SLIT3: variants seen among roughly 807,000 people sequenced by gnomAD.
SLIT3 encodes slit guidance ligand 3.
A neutral mutation model predicts 184.0 loss-of-function variants in SLIT3; 68 were observed. The ratio of observed to expected loss-of-function variants is 0.37; its 90% CI spans 0.30 to 0.45. The LOEUF is 0.45. Ranked by LOEUF, SLIT3 falls within the 20% of genes least tolerant of loss-of-function variation. SLIT3 has a pLI of 1.00. For missense variants in SLIT3, 1,707 were observed against 2,026.0 expected, an observed-to-expected ratio of 0.84 and a Z score of 3.02; for synonymous variants, 831 against 828.6, an observed-to-expected ratio of 1.00 and a Z score of -0.05.
At chr5:168,959,915 A>G (rs1229634801) in intron 4 of SLIT3, among the ~76,000 whole-genome samples, 1 of 152,108 alleles carries the variant, frequency 6.6e-6, no homozygotes, top group Non-Finnish European at 1.5e-5. Context: ...GTGAGGTAGG[A>G]ACTACTATCA....
chr5:168,686,914 A>C (rs1761759950), intron 30 of SLIT3, 65 bp downstream of exon 30: 1 of 1,585,162 alleles, frequency 6.3e-7, no homozygotes, highest in African/African-American at 1.3e-5. Flanking sequence ...CACCTTAGCC[A>C]GTCAGCCCCA....
intron 5 of SLIT3, among the ~76,000 whole-genome samples, chr5:168,881,484 TC>T (rs1247319285): frequency 6.6e-6 from 1 of 152,216 alleles, no homozygotes; most frequent in Non-Finnish European, 1.5e-5. Flanking sequence ...AAAATTAGTG[TC>T]ATGAGATCTG....
At chr5:168,985,593 T>A (rs1323784882) in intron 4 of SLIT3, among the ~76,000 whole-genome samples, 1 of 152,222 alleles carries the variant, frequency 6.6e-6, no homozygotes, top group African/African-American at 2.4e-5. Context: ...TCAGTTCCTA[T>A]GCATGGTGGG....
intron 4 of SLIT3, among the ~76,000 whole-genome samples, chr5:169,070,797 CA>C (rs34764320): frequency 0.54 from 62,063 of 115,844 alleles, 13,821 homozygotes; most frequent in South Asian, 0.65. Flanking sequence ...ACATTTTCCT[CA>C]AAAAAAAAAA....
intron 5 of SLIT3, among the ~76,000 whole-genome samples, chr5:168,849,934 C>T (rs755987470): frequency 1.1e-4 from 16 of 152,004 alleles, no homozygotes; most frequent in Non-Finnish European, 2.2e-4. Context: ...TCCAATTGTC[C>T]TTTAAGCAGA....
intron 3 of SLIT3, among the ~76,000 whole-genome samples, chr5:169,223,365 T>C (rs1430716020): frequency 1.3e-5 from 2 of 152,248 alleles, no homozygotes; most frequent in African/African-American, 4.8e-5. Context: ...TTCCTTTTGC[T>C]GGCTGGTTCT....
At chr5:168,717,353 G>A (rs1348837440) in intron 23 of SLIT3, among the ~76,000 whole-genome samples, 1 of 149,888 alleles carries the variant, frequency 6.7e-6, no homozygotes, top group African/African-American at 2.5e-5. Flanking sequence ...GTCACGGTTT[G>A]ATGAATGTCA....
intron 4 of SLIT3, among the ~76,000 whole-genome samples, chr5:169,125,230 T>A (rs1483080807): frequency 6.6e-6 from 1 of 152,132 alleles, no homozygotes. Flanking sequence ...GTATTTTTAG[T>A]AGAGATGGGG....
intron 11 of SLIT3, 56 bp from the exon 12 acceptor site, chr5:168,786,034 C>G: frequency 8.1e-7 from 1 of 1,232,892 alleles, no homozygotes; most frequent in Non-Finnish European, 1.2e-6. Context: ...CACCAGAACC[C>G]AGTCCTGCAG....
rs138051048 is a variant in SLIT3 at position 168,981,373 on chromosome 5, C to T, written c.414-98037G>A. ...GATCTGAATAGACAGGTGAAGATGA[C>T]AGATTCCCGGGATTGCAATGAGGCT... On this transcript the variant is annotated intron_variant, in intron 4 of 35. Transcript: ENST00000519560. Among the ~76,000 whole-genome samples the T allele has an allele frequency of 7.6e-4, 116 of 152,256 alleles. 3 individuals are homozygous for T. Among genetic ancestry groups the T allele is most frequent in the African/African-American group, 2.6e-3 (110 of 41,554 alleles).
At chr5:168,957,229 C>CAAAAAAAA (rs369179350) in intron 4 of SLIT3, among the ~76,000 whole-genome samples, 2 of 121,466 alleles carry the variant, frequency 1.6e-5, no homozygotes, top group African/African-American at 6.0e-5. Flanking sequence ...AAGTCTGTCT[C>CAAAAAAAA]AAAAAAAAAA....
chr5:168,700,111 T>C (rs1318427164), intron 27 of SLIT3, among the ~76,000 whole-genome samples: 3 of 152,228 alleles, frequency 2.0e-5, no homozygotes, highest in Non-Finnish European at 4.4e-5. Flanking sequence ...ATCATTCTCA[T>C]ACAGGGCCAG....
chr5:168,940,068 GAAAAGATAAAT>G lies in SLIT3; in HGVS notation c.414-56743_414-56733del, dbSNP rs1001588483. Among the ~76,000 whole-genome samples, 37 of 152,272 alleles carry G rather than the reference GAAAAGATAAAT, an allele frequency of 2.4e-4. 1 individual carries two copies. Among genetic ancestry groups the G allele is most frequent in the Admixed American group, 6.5e-5 (1 of 15,294 alleles). On this transcript the variant is annotated intron_variant, in intron 4 of 35. Coordinates refer to ENST00000519560, the MANE Select transcript of SLIT3 (RefSeq NM_003062.4). The stretch of plus-strand genomic sequence containing the variant: ...GGTAATACAGTCGGGGAGGATAAAA[GAAAAGATAAAT>G]AAAACTGTCAGGCAATAAATGATAA...
At chr5:169,069,738 G>T (rs1316794046) in intron 4 of SLIT3, among the ~76,000 whole-genome samples, 1 of 152,088 alleles carries the variant, frequency 6.6e-6, no homozygotes, top group African/African-American at 2.4e-5. Flanking sequence ...GGAGAGAGGG[G>T]AGGTAGGGAG....
intron 5 of SLIT3, among the ~76,000 whole-genome samples, chr5:168,851,922 G>GC (rs1185723215): frequency 6.6e-6 from 1 of 152,172 alleles, no homozygotes; most frequent in Non-Finnish European, 1.5e-5. Context: ...TCTGTAAAAT[G>GC]GGCTGTCTCT....
At chr5:168,868,747 C>CAGAAAA (rs869113329) in intron 5 of SLIT3, among the ~76,000 whole-genome samples, 5 of 69,280 alleles carry the variant, frequency 7.2e-5, no homozygotes, top group Admixed American at 1.6e-4. Flanking sequence ...GAATCTGCCT[C>CAGAAAA]AAAAAAAAAA....
chr5:169,088,228 G>T (rs181551128), intron 4 of SLIT3, among the ~76,000 whole-genome samples: 147 of 152,148 alleles, frequency 9.7e-4, no homozygotes, highest in Non-Finnish European at 1.9e-3. Flanking sequence ...TATGGCTTGT[G>T]TTCATAAATA....
At chr5:169,016,671 C>T (rs746886456) in intron 4 of SLIT3, among the ~76,000 whole-genome samples, 5 of 152,122 alleles carry the variant, frequency 3.3e-5, no homozygotes, top group South Asian at 2.1e-4. Flanking sequence ...TACAGATCAA[C>T]GACAGCACAG....
chr5:169,157,280 A>G lies in SLIT3; in HGVS notation c.413+36199T>C, dbSNP rs79562355. ...GACATAATTGTGGGAGTGATGTCAGAGGAGTTCTATGGAATGTCAGTACTT... is the reference window on the plus strand; with the variant it reads ...GACATAATTGTGGGAGTGATGTCAGGGGAGTTCTATGGAATGTCAGTACTT... On this transcript the variant is annotated intron_variant, in intron 4 of 35. Transcript: ENST00000519560. Among the ~76,000 whole-genome samples, 1,352 of 152,330 alleles carry G rather than the reference A, an allele frequency of 8.9e-3. 19 individuals are homozygous for G. Among genetic ancestry groups the G allele is most frequent in the African/African-American group, 0.032 (1,324 of 41,576 alleles).
Sources: allele counts gnomAD v4.1 joint callset (sites outside exome capture counted in the v4.1 genomes callset), GRCh38; gene constraint gnomAD v4.1.1; transcripts MANE v1.5; gene names NCBI Gene and HGNC (gene_info 2026-07-23, HGNC 2026-07-21).